The following GPC5 variants were observed in gnomAD, a reference collection of about 807,000 sequenced individuals.
GPC5 encodes the protein glypican 5.
A neutral mutation model predicts 53.9 loss-of-function variants in GPC5; 47 were observed. The observed-to-expected ratio is 0.87, with a 90% confidence interval of 0.69 to 1.11. GPC5 has a LOEUF of 1.11. GPC5 is among the 50% of genes most tolerant of loss of function. The pLI is 0.00. For synonymous variants in GPC5, 286 were observed against 263.3 expected, an observed-to-expected ratio of 1.09 and a Z score of -0.84; for missense variants, 748 against 713.1, an observed-to-expected ratio of 1.05 and a Z score of -0.56.
At chr13:91,885,816 A>G (rs554991639) in intron 5 of GPC5, among the ~76,000 whole-genome samples, 1 of 152,260 alleles carries the variant, frequency 6.6e-6, no homozygotes, top group Non-Finnish European at 1.5e-5. Context: ...CCTAAATGCC[A>G]TGTGTTTCTA....
chr13:92,651,194 T>C (rs1310111002), intron 7 of GPC5, among the ~76,000 whole-genome samples: 3 of 151,538 alleles, frequency 2.0e-5, no homozygotes, highest in Admixed American at 2.0e-4. Flanking sequence ...TCTATCCTAT[T>C]AGTTCTATCC....
intron 2 of GPC5, among the ~76,000 whole-genome samples, chr13:91,601,833 A>G (rs1182873435): frequency 1.3e-5 from 2 of 152,224 alleles, no homozygotes; most frequent in African/African-American, 2.4e-5. Context: ...GAAATAAAGT[A>G]TACAATAAAT....
chr13:92,546,717 C>G (rs1298792331), intron 7 of GPC5, among the ~76,000 whole-genome samples: 1 of 152,284 alleles, frequency 6.6e-6, no homozygotes, highest in Admixed American at 6.5e-5. Context: ...CAAGTCAATC[C>G]TAAGCCAAAA....
intron 3 of GPC5, among the ~76,000 whole-genome samples, chr13:91,714,053 CT>C (rs1202785514): frequency 6.6e-6 from 1 of 152,142 alleles, no homozygotes; most frequent in Non-Finnish European, 1.5e-5. Context: ...ACCTGATTTT[CT>C]CAGGGTCTAA....
At chr13:91,772,818 G>T (rs940139417) in intron 5 of GPC5, among the ~76,000 whole-genome samples, 1 of 152,120 alleles carries the variant, frequency 6.6e-6, no homozygotes, top group South Asian at 2.1e-4. Flanking sequence ...AACCCTGAGA[G>T]TAGGGTCCCA....
chr13:92,329,251 G>A (rs758712974), intron 7 of GPC5, among the ~76,000 whole-genome samples: 3 of 152,178 alleles, frequency 2.0e-5, no homozygotes, highest in Non-Finnish European at 4.4e-5. Flanking sequence ...GGCATCCGCA[G>A]CTGTTCAGCT....
intron 1 of GPC5, among the ~76,000 whole-genome samples, chr13:91,407,408 C>T (rs1487931317): frequency 1.3e-5 from 2 of 152,170 alleles, no homozygotes; most frequent in African/African-American, 2.4e-5. Flanking sequence ...AATTATTTAA[C>T]ATCTAAAGGA....
chr13:92,746,743 T>C (rs1430947643), intron 7 of GPC5, among the ~76,000 whole-genome samples: 2 of 152,138 alleles, frequency 1.3e-5, no homozygotes, highest in Non-Finnish European at 2.9e-5. Context: ...CAAAGGTATT[T>C]ATCTCTTAAC....
intron 7 of GPC5, among the ~76,000 whole-genome samples, chr13:92,375,968 G>A (rs536384921): frequency 3.9e-5 from 6 of 152,098 alleles, no homozygotes; most frequent in South Asian, 2.1e-4. Flanking sequence ...GGTTTTTTGC[G>A]GAGCTATGCT....
At chr13:92,101,678 T>C (rs569462006) in intron 6 of GPC5, among the ~76,000 whole-genome samples, 22 of 152,324 alleles carry the variant, frequency 1.4e-4, no homozygotes, top group Non-Finnish European at 2.9e-5. Flanking sequence ...AGCAAGAATA[T>C]GCAAAATCAA....
At chr13:92,061,428 G>A (rs9523494) in intron 6 of GPC5, among the ~76,000 whole-genome samples, 84,920 of 151,696 alleles carry the variant, frequency 0.56, 24,195 homozygotes, top group East Asian at 0.79. Flanking sequence ...TGCAAAGCAC[G>A]TGAAAATGCT....
rs190922551 is a variant in GPC5 at position 92,124,750 on chromosome 13, A to T, written c.1402-20080A>T. ...ATACTCTGGGAGTGAAGAGCAGGAT[A>T]AAAAAAAACTGTAGAGACCACTACT... On this transcript the variant is annotated intron_variant, in intron 6 of 7. Transcript: ENST00000377067. Among the ~76,000 whole-genome samples, 158 of 151,422 alleles carry T rather than the reference A, an allele frequency of 1.0e-3. 1 individual carries two copies. The highest frequency in any genetic ancestry group is 3.5e-3 in the African/African-American group (146 of 41,190).
intron 7 of GPC5, among the ~76,000 whole-genome samples, chr13:92,520,150 C>A (rs1402491143): frequency 1.3e-5 from 2 of 151,924 alleles, no homozygotes; most frequent in Admixed American, 1.3e-4. Flanking sequence ...GCCTACCAAC[C>A]AAAAAAAGTC....
At chr13:91,415,399 T>A (rs1878130996) in intron 1 of GPC5, among the ~76,000 whole-genome samples, 1 of 152,138 alleles carries the variant, frequency 6.6e-6, no homozygotes, top group Non-Finnish European at 1.5e-5. Flanking sequence ...TATGCCAGCA[T>A]CCATGAAGCA....
chr13:92,633,749 C>T (rs1885330566), intron 7 of GPC5, among the ~76,000 whole-genome samples: 1 of 152,032 alleles, frequency 6.6e-6, no homozygotes, highest in Admixed American at 6.6e-5. Context: ...CCATATTAAT[C>T]AGTACTTTAA....
At chr13:91,523,855 G>A (rs4771838) in intron 2 of GPC5, among the ~76,000 whole-genome samples, 151,869 of 152,242 alleles carry the variant, frequency 1, 75,750 homozygotes, top group Middle Eastern at 1. Flanking sequence ...TTTAAAGAGT[G>A]CATAATACGA....
intron 7 of GPC5, among the ~76,000 whole-genome samples, chr13:92,685,087 C>CTATTTATTTATTTATTTATTTATT (rs57486972): frequency 3.3e-4 from 50 of 150,634 alleles, no homozygotes; most frequent in African/African-American, 1.2e-3. Context: ...TCCAGTAGTT[C>CTATTTATTTATTTATTTATTTATT]TATTTATTTA....
rs1184081002 is a variant in GPC5 at position 92,271,107 on chromosome 13, G to C, written c.1561+126118G>C. Among the ~76,000 whole-genome samples, 4 of 152,096 alleles carry C rather than the reference G, an allele frequency of 2.6e-5. No individual in the cohort carries two copies. In the East Asian group the frequency reaches 7.7e-4, roughly 29 times the overall value. The stretch of plus-strand genomic sequence containing the variant: ...CCAGGGCGCCCACAGAAACAATTTA[G>C]AGCCCAATTCCCTGGAGCTTCACTG... On this transcript the variant is annotated intron_variant, in intron 7 of 7. Coordinates refer to ENST00000377067, the MANE Select transcript of GPC5 (RefSeq NM_004466.6).
chr13:92,552,099 C>CT (rs1882337613), intron 7 of GPC5, among the ~76,000 whole-genome samples: 1 of 151,788 alleles, frequency 6.6e-6, no homozygotes, highest in African/African-American at 2.4e-5. Context: ...CCATTTTTAA[C>CT]TTTGAGAATT....
Sources: allele counts gnomAD v4.1 joint callset (sites outside exome capture counted in the v4.1 genomes callset), GRCh38; gene constraint gnomAD v4.1.1; transcripts MANE v1.5; gene names NCBI Gene and HGNC (gene_info 2026-07-23, HGNC 2026-07-21).